LRP3: variants seen among roughly 807,000 people sequenced by gnomAD.
LRP3 encodes low-density lipoprotein receptor-related protein 3.
A neutral mutation model predicts 58.5 loss-of-function variants in LRP3; 49 were observed. The ratio of observed to expected loss-of-function variants is 0.84; its 90% CI spans 0.67 to 1.06. The LOEUF is 1.06. LRP3 is among the 50% of genes least tolerant of loss of function. LRP3 has a pLI of 0.00. For synonymous variants in LRP3, 485 were observed against 492.2 expected (o/e 0.99, Z 0.20); for missense variants, 1,019 against 1,134.2 (o/e 0.90, Z 1.46).
At chr19:33,200,230 C>CT (rs1168687207) in intron 2 of LRP3, among the ~76,000 whole-genome samples, 8 of 152,040 alleles carry the variant, frequency 5.3e-5, no homozygotes, top group African/African-American at 7.2e-5. Flanking sequence ...GGATTTCCTT[C>CT]TTTTTTTTAA....
rs369922488 is a variant in LRP3, at chr19:33,205,415, G to A, written c.645G>A (p.Gly215=). The A allele has an allele frequency of 2.5e-6, 4 of 1,594,502 alleles. No homozygotes were observed. The highest frequency in any genetic ancestry group is 3.4e-6 in the Non-Finnish European group (4 of 1,169,820). The change falls in exon 5 of 7, where the codon GGG becomes GGA. Residue 215 remains glycine, a synonymous_variant. Coordinates refer to ENST00000253193, the MANE Select transcript of LRP3 (RefSeq NM_002333.4). ...CTCCAGGCAGCCTGTGCCCCGGGGG[G>A]ACCTTCCCATGCAGCGGGGCGCGCT... ...SEPPGSLCPG[G]TFPCSGARST...
chr19:33,205,722 G>A lies in LRP3; in HGVS notation c.952G>A (p.Gly318Arg), dbSNP rs770669855. Residue 318 changes from glycine to arginine, a missense_variant, in exon 5 of 7, where the codon GGG becomes AGG. Around this residue, in one of 2 missense-constraint regions of LRP3, gnomAD observed 592 missense variants for 725.5 expected, o/e 0.82. Transcript: ENST00000253193. Reference protein sequence around the residue: ...VQVYEGLGERGDRLLQTLSYR... With the variant: ...VQVYEGLGERRDRLLQTLSYR... ...GGTATACGAGGGCCTGGGCGAGCGC[G>A]GGGACCGCCTGCTGCAGACGCTGTC... 33 of 1,600,838 alleles carry A rather than the reference G, an allele frequency of 2.1e-5. No homozygotes were observed. Among genetic ancestry groups the A allele is most frequent in the Admixed American group, 5.0e-5 (3 of 59,462 alleles).
intron 1 of LRP3, among the ~76,000 whole-genome samples, chr19:33,196,389 CAAAAATA>C (rs930913060): frequency 7.9e-5 from 12 of 151,586 alleles, no homozygotes; most frequent in Admixed American, 5.9e-4. Flanking sequence ...CTCATCTCTA[CAAAAATA>C]AAAAATAAAA....
Position 33,206,216 on chromosome 19 carries a change from C to T in LRP3, c.1446C>T (p.Asp482=), listed in dbSNP as rs200274257. ...WRCDGQEDCQ[D]GSDEHGCLAA... is the part of the protein sequence containing the mutation. Reference sequence around the variant, plus strand: ...GTGACGGCCAGGAAGACTGCCAGGACGGCAGCGATGAGCATGGGTGCCTGG... The same window carrying T: ...GTGACGGCCAGGAAGACTGCCAGGATGGCAGCGATGAGCATGGGTGCCTGG... The change falls in exon 5 of 7, where the codon GAC becomes GAT. Residue 482 remains aspartate (D), a synonymous_variant. Coordinates refer to ENST00000253193, the MANE Select transcript of LRP3 (RefSeq NM_002333.4). 1.7e-4 allele frequency: 268 copies of T among 1,595,874 alleles called. No individual in the cohort carries two copies. The highest frequency in any genetic ancestry group is 3.8e-4 in the East Asian group (17 of 44,386).
At chr19:33,198,730 C>T (rs1205166633) in intron 2 of LRP3, among the ~76,000 whole-genome samples, 1 of 152,224 alleles carries the variant, frequency 6.6e-6, no homozygotes, top group Non-Finnish European at 1.5e-5. Context: ...CCCCCAGCCT[C>T]TGGGCTCAGC....
At position 33,207,337 on chromosome 19, in the gene LRP3, A is replaced by T. The variant is rs774551592; in HGVS notation, c.2075A>T (p.Glu692Val). ...PPLPSGLRDP[E>V]CRPVDKDRKV... ...TTGCCCTCGGGCCTGCGAGACCCAG[A>T]GTGCAGGCCCGTGGACAAGGACAGA... Residue 692 changes from glutamate (E) to valine (V), a missense_variant, in exon 7 of 7, where the codon GAG (glutamate) becomes GTG (valine). By Grantham distance (121) the Glu-to-Val change is moderately radical (BLOSUM62 -2). Around this residue, in one of 2 missense-constraint regions of LRP3, gnomAD observed 427 missense variants for 408.6 expected, o/e 1.04. Transcript: ENST00000253193. 2.1e-5 allele frequency: 33 copies of T among 1,581,590 alleles called. No homozygotes were observed. Among genetic ancestry groups the T allele is most frequent in the Middle Eastern group, 1.7e-4 (1 of 5,934 alleles).
In LRP3 at chr19:33,207,867, C is replaced by T. The variant is rs76105543; in HGVS notation, c.*292C>T. ...TTCTGGGAACCCATTTCCAGAGAAG[C>T]AGGGGACCAGAGCCTTTTTGCTTCA... On this transcript the variant is annotated 3_prime_UTR_variant, in exon 7 of 7. Coordinates refer to ENST00000253193, the MANE Select transcript of LRP3 (RefSeq NM_002333.4). 0.065 allele frequency: 31,896 copies of T among 491,308 alleles called. 2,294 individuals carry two copies. Among genetic ancestry groups the T allele is most frequent in the African/African-American group, 0.27 (13,307 of 50,104 alleles). The allele number at this position is 491,308 out of a possible 1,614,324, so 30.4% of individuals were successfully genotyped here.
At chr19:33,204,885 C>G (rs756667396) in intron 4 of LRP3, 33 bp downstream of exon 4, 1 of 1,592,612 alleles carries the variant, frequency 6.3e-7, no homozygotes, top group Non-Finnish European at 8.6e-7. Context: ...CAGGACACCA[C>G]GGAGCACACC....
At chr19:33,201,210 G>A (rs1974337804) in intron 2 of LRP3, among the ~76,000 whole-genome samples, 1 of 152,212 alleles carries the variant, frequency 6.6e-6, no homozygotes, top group Non-Finnish European at 1.5e-5. Flanking sequence ...ATGCTCTGTG[G>A]CCGAGGCTGG....
chr19:33,201,059 C>T (rs943820916), intron 2 of LRP3, among the ~76,000 whole-genome samples: 3 of 152,218 alleles, frequency 2.0e-5, no homozygotes, highest in Non-Finnish European at 2.9e-5. Context: ...CCCAGCAGGT[C>T]CTCAGATGGA....
rs533665767 is a variant in LRP3 at position 33,204,204 on chromosome 19, C to G, written c.261-434C>G. 315 of 184,142 alleles carry G rather than the reference C, an allele frequency of 1.7e-3. 2 individuals carry two copies. The highest frequency in any genetic ancestry group is 6.3e-3 in the African/African-American group (270 of 42,676). 11.4% of individuals were successfully genotyped at this position (184,142 alleles called of 1,614,324 possible). A position where few individuals can be genotyped will look rare whatever the true frequency, so the allele number is the denominator to read the frequency against. ...CGTGGGCAGTCTCACCCTCACTTCC[C>G]ATGCCTGGGACTTTGTGCTGGGCCC... On this transcript the variant is annotated intron_variant, in intron 3 of 6. Transcript: ENST00000253193.
In LRP3 at chr19:33,206,243, C is replaced by T. The variant is rs139298570; in HGVS notation, c.1473C>T (p.Ala491=). ...GCAGCGATGAGCATGGGTGCCTGGC[C>T]GCCGTGCCCCGCAAGGTCATCACGG... ...QDGSDEHGCL[A]AVPRKVITAA... Residue 491 remains alanine (A), a synonymous_variant, in exon 5 of 7, where the codon GCC becomes GCT. Transcript: ENST00000253193. 3.9e-5 allele frequency: 62 copies of T among 1,596,926 alleles called. No individual in the cohort carries two copies. The African/African-American group carries it at 4.3e-4, about 11-fold the overall frequency.
chr19:33,205,595 C>A lies in LRP3; in HGVS notation c.825C>A (p.Arg275=). 6.2e-7 allele frequency: 1 copy of A among 1,610,466 alleles called. No homozygotes were observed. ...FASPDLFGAA[R]GPSDLHCTWL... The stretch of plus-strand genomic sequence containing the variant: ...CCCCAGACCTGTTCGGCGCCGCTCG[C>A]GGGCCCTCAGACCTTCACTGCACGT... Residue 275 remains arginine (R), a synonymous_variant, in exon 5 of 7, where the codon CGC becomes CGA. Coordinates refer to ENST00000253193, the MANE Select transcript of LRP3 (RefSeq NM_002333.4).
In LRP3 at chr19:33,202,781, T is replaced by TC. The variant is rs1017951270; in HGVS notation, c.122-61dup. On this transcript the variant is annotated intron_variant, in intron 2 of 6. Coordinates refer to ENST00000253193, the MANE Select transcript of LRP3 (RefSeq NM_002333.4). ...GGGGAGGCCTGTGCTGAAGCCCCCT[T>TC]CCCCCCACTGCAACCCGCATCCCAA... is the stretch of plus-strand genomic sequence containing the variant. 20 of 1,499,628 alleles carry TC rather than the reference T, an allele frequency of 1.3e-5. No homozygotes were observed. In the African/African-American group the frequency reaches 2.2e-4, roughly 17 times the overall value. 92.9% of individuals were successfully genotyped at this position (1,499,628 alleles called of 1,614,324 possible).
chr19:33,208,804 A>C lies in LRP3; in HGVS notation c.*1229A>C, dbSNP rs957419418. On this transcript the variant is annotated 3_prime_UTR_variant, in exon 7 of 7. Transcript: ENST00000253193. The surrounding 1 kb of genome is among the most constrained non-coding windows in gnomAD (Gnocchi z 4.7). ...TATCTTTTTTCTTTTTTTTCCAGAA[A>C]AAAACAAAACAAAACTTTTTTGCCA... The C allele has an allele frequency of 6.3e-6, 10 of 1,585,504 alleles. No homozygotes were observed. Among genetic ancestry groups the C allele is most frequent in the Non-Finnish European group, 8.6e-6 (10 of 1,160,954 alleles).
In LRP3 at chr19:33,205,672, G is replaced by T. The variant is rs776254384; in HGVS notation, c.902G>T (p.Arg301Leu). 4.4e-6 allele frequency: 7 copies of T among 1,608,524 alleles called. No individual in the cohort carries two copies. The East Asian group carries it at 6.7e-5, about 15-fold the overall frequency. ...CGGGTGCTGCTGCAGCTGGAACTGC[G>T]GCTGGGCTATGACGACTACGTGCAG... ...SRRVLLQLEL[R>L]LGYDDYVQVY... The change falls in exon 5 of 7, where the codon CGG becomes CTG. Residue 301 changes from arginine (R) to leucine (L), a missense_variant. Arg to Leu is a moderately radical substitution (Grantham distance 102). This residue lies in a region of LRP3 where 592 missense variants were observed against 725.5 expected (regional missense o/e 0.82). Coordinates refer to ENST00000253193, the MANE Select transcript of LRP3 (RefSeq NM_002333.4).
At chr19:33,194,978 G>A in intron 1 of LRP3, 120 bp downstream of exon 1, 1 of 348,422 alleles carries the variant, frequency 2.9e-6, no homozygotes, top group Non-Finnish European at 4.2e-6. Flanking sequence ...TGGCTCCCGC[G>A]CGGAGACCCA....
chr19:33,199,830 A>C (rs1461100807), intron 2 of LRP3, among the ~76,000 whole-genome samples: 1 of 152,200 alleles, frequency 6.6e-6, no homozygotes, highest in Non-Finnish European at 1.5e-5. Context: ...GTTCTGGCTG[A>C]AGTGAGTGGG....
Position 33,205,481 on chromosome 19 carries a change from G to A in LRP3, c.711G>A (p.Leu237=). Residue 237 remains leucine, a synonymous_variant, in exon 5 of 7, where the codon TTG becomes TTA. Transcript: ENST00000253193. ...CTGTGGAGCGGCGCTGTGACGGCTT[G>A]CAGGACTGCGGCGACGGCTCGGATG... ...CLPVERRCDG[L]QDCGDGSDEA... is the part of the protein sequence containing the mutation. 6.3e-7 allele frequency: 1 copy of A among 1,584,198 alleles called. No individual in the cohort carries two copies. Among genetic ancestry groups the A allele is most frequent in the Non-Finnish European group, 8.6e-7 (1 of 1,167,902 alleles).
Sources: allele counts gnomAD v4.1 joint callset (sites outside exome capture counted in the v4.1 genomes callset), GRCh38; gene constraint gnomAD v4.1.1; regional missense constraint gnomAD v4.1.1; non-coding constraint Gnocchi (gnomAD v3.1); transcripts MANE v1.5; gene names NCBI Gene and HGNC (gene_info 2026-07-23, HGNC 2026-07-21).